The following GLDN variants were observed in gnomAD, a reference collection of about 807,000 sequenced individuals.
The protein encoded by GLDN is gliomedin, also known as collomin.
GLDN carries 47 observed loss-of-function variants against 56.5 expected under a neutral mutation model. The ratio of observed to expected loss-of-function variants is 0.83; its 90% CI spans 0.66 to 1.06. The LOEUF is 1.06. Ranked by LOEUF, GLDN falls within the 50% of genes least tolerant of loss-of-function variation. The pLI, the probability that GLDN is intolerant of heterozygous loss-of-function variation, is 0.00. For synonymous variants in GLDN, 332 were observed against 278.8 expected, an observed-to-expected ratio of 1.19 and a Z score of -1.90; for missense variants, 782 against 714.3, an observed-to-expected ratio of 1.09 and a Z score of -1.08.
intron 4 of GLDN, among the ~76,000 whole-genome samples, chr15:51,391,665 G>A (rs1423039502): frequency 1.3e-5 from 2 of 152,232 alleles, no homozygotes; most frequent in African/African-American, 4.8e-5. Context: ...ATGACTGAGG[G>A]CCCGGAGGAG....
chr15:51,367,427 T>C (rs1266192286), intron 1 of GLDN: 2 of 152,246 alleles, frequency 1.3e-5, no homozygotes, highest in East Asian at 1.9e-4. Context: ...AGCCCTTGCG[T>C]GCAAGAGGGC....
chr15:51,386,430 G>A (rs2037895140), intron 4 of GLDN, among the ~76,000 whole-genome samples: 1 of 152,116 alleles, frequency 6.6e-6, no homozygotes, highest in African/African-American at 2.4e-5. Flanking sequence ...ACCCACTCCT[G>A]AGCCCTGGGA....
At chr15:51,388,127 C>T (rs2037939887) in intron 4 of GLDN, among the ~76,000 whole-genome samples, 1 of 152,260 alleles carries the variant, frequency 6.6e-6, no homozygotes, top group African/African-American at 2.4e-5. Context: ...GCTCAGATGT[C>T]ACCTCGTATA....
At chr15:51,397,060 C>T (rs1277820745) in intron 5 of GLDN, among the ~76,000 whole-genome samples, 1 of 152,070 alleles carries the variant, frequency 6.6e-6, no homozygotes, top group Non-Finnish European at 1.5e-5. Flanking sequence ...CTTATGAACC[C>T]CAATTGAAAA....
chr15:51,412,805 A>T (rs1235521643), downstream of GLDN, among the ~76,000 whole-genome samples: 3 of 152,170 alleles, frequency 2.0e-5, no homozygotes, highest in Non-Finnish European at 4.4e-5. Context: ...ATTAAAATGC[A>T]GCTACATCTA....
chr15:51,365,082 T>A (rs944531380), intron 1 of GLDN, among the ~76,000 whole-genome samples: 2 of 152,262 alleles, frequency 1.3e-5, no homozygotes, highest in African/African-American at 4.8e-5. Context: ...CAGCCTGGAA[T>A]TAAGCCAGAC....
downstream of GLDN, among the ~76,000 whole-genome samples, chr15:51,409,060 G>C (rs1050798509): frequency 3.6e-5 from 4 of 111,736 alleles, no homozygotes; most frequent in Admixed American, 9.0e-5. Flanking sequence ...AGAACAACAG[G>C]GGCTGCTATA....
At chr15:51,396,350 T>C (rs998965067) in intron 5 of GLDN, among the ~76,000 whole-genome samples, 2 of 152,186 alleles carry the variant, frequency 1.3e-5, no homozygotes, top group Admixed American at 6.5e-5. Flanking sequence ...GTTATTGCCA[T>C]CAGGGGCATT....
At chr15:51,374,654 A>G (rs2037591014) in intron 1 of GLDN, among the ~76,000 whole-genome samples, 2 of 151,966 alleles carry the variant, frequency 1.3e-5, no homozygotes, top group South Asian at 2.1e-4. Flanking sequence ...GCATTGGTAA[A>G]CTTCCATTTC....
chr15:51,401,141 G>A (rs1310509694), intron 8 of GLDN, among the ~76,000 whole-genome samples: 1 of 152,224 alleles, frequency 6.6e-6, no homozygotes, highest in African/African-American at 2.4e-5. Flanking sequence ...TGGGAACCTG[G>A]TAATAACTGC....
chr15:51,387,584 G>T (rs1334183102), intron 4 of GLDN, among the ~76,000 whole-genome samples: 1 of 152,136 alleles, frequency 6.6e-6, no homozygotes, highest in African/African-American at 2.4e-5. Context: ...TCCTCACGTG[G>T]GTACGCAACC....
chr15:51,396,878 T>G (rs955243244), intron 5 of GLDN, among the ~76,000 whole-genome samples: 1 of 152,234 alleles, frequency 6.6e-6, no homozygotes, highest in African/African-American at 2.4e-5. Flanking sequence ...ATGCAAAACA[T>G]GTATAATTTA....
Position 51,404,185 on chromosome 15 carries a change from C to A in GLDN, c.1179-92C>A, listed in dbSNP as rs535971419. 3.8e-5 allele frequency: 36 copies of A among 957,090 alleles called. No individual in the cohort carries two copies. The South Asian group carries it at 5.7e-4, about 15-fold the overall frequency. The allele number at this position is 957,090 out of a possible 1,614,324, so 59.3% of individuals were successfully genotyped here. On this transcript the variant is annotated intron_variant, in intron 9 of 9. Transcript: ENST00000335449. The stretch of plus-strand genomic sequence containing the variant: ...GCAAAATCCCAGCCCTCACCCCAGA[C>A]CCACTAACTCAGTTTAATAGAGGAG...
intron 1 of GLDN, among the ~76,000 whole-genome samples, chr15:51,357,857 T>C (rs2037215827): frequency 6.6e-6 from 1 of 152,108 alleles, no homozygotes; most frequent in Non-Finnish European, 1.5e-5. Flanking sequence ...GAGCCTAAGT[T>C]GAGGGAGGTG....
Position 51,406,125 on chromosome 15 carries a change from T to A in GLDN, c.*1371T>A, listed in dbSNP as rs2038376350. On this transcript the variant is annotated 3_prime_UTR_variant, in exon 10 of 10. Coordinates refer to ENST00000335449, the MANE Select transcript of GLDN (RefSeq NM_181789.4). ...GGGGAAGGCTGATAACGGCGTAAGA[T>A]GAAGTGGCCCTCCACAAAGGCTGGT... 6.6e-6 allele frequency: 1 copy of A among 152,220 alleles called. No individual in the cohort carries two copies. Among genetic ancestry groups the A allele is most frequent in the East Asian group, 1.9e-4 (1 of 5,202 alleles). 9.4% of individuals were successfully genotyped at this position (152,220 alleles called of 1,614,324 possible). A position where few individuals can be genotyped will look rare whatever the true frequency, so the allele number is the denominator to read the frequency against.
At chr15:51,362,006 G>T (rs1486326187) in intron 1 of GLDN, among the ~76,000 whole-genome samples, 1 of 152,176 alleles carries the variant, frequency 6.6e-6, no homozygotes, top group African/African-American at 2.4e-5. Context: ...AAGTAGTGTG[G>T]CTGGGGAAGC....
intron 1 of GLDN, among the ~76,000 whole-genome samples, chr15:51,346,803 C>T (rs1323341753): frequency 6.6e-6 from 1 of 152,174 alleles, no homozygotes; most frequent in African/African-American, 2.4e-5. Context: ...TGGTCGCTCA[C>T]GCCTGTAATC....
At chr15:51,350,616 G>C (rs2037058575) in intron 1 of GLDN, among the ~76,000 whole-genome samples, 1 of 152,168 alleles carries the variant, frequency 6.6e-6, no homozygotes, top group African/African-American at 2.4e-5. Flanking sequence ...TCTCTGCTAA[G>C]ATTGTGTCTA....
downstream of GLDN, among the ~76,000 whole-genome samples, chr15:51,409,377 C>T (rs901223317): frequency 6.6e-6 from 1 of 152,004 alleles, no homozygotes; most frequent in African/African-American, 2.4e-5. Flanking sequence ...AAATAATAGT[C>T]TCACCCCTTT....
Sources: gnomAD v4.1 joint callset for allele counts (sites outside exome capture counted in the v4.1 genomes callset) on GRCh38, gnomAD v4.1.1 for gene constraint, MANE v1.5 for transcripts, NCBI Gene and HGNC (gene_info 2026-07-23, HGNC 2026-07-21) for gene names.